The following NCKAP5 variants were observed in gnomAD, a reference collection of about 807,000 sequenced individuals.
NCKAP5 encodes nck-associated protein 5.
In NCKAP5, 92 loss-of-function variants were observed where a neutral mutation model predicts 167.0. The ratio of observed to expected loss-of-function variants is 0.55; its 90% CI spans 0.47 to 0.66. NCKAP5 has a LOEUF of 0.66. Among genes scored for constraint, NCKAP5 ranks in the 30% least tolerant of loss-of-function variants. The pLI is 0.00. For synonymous variants in NCKAP5, 891 were observed against 877.4 expected (o/e 1.02, Z -0.27); for missense variants, 2,378 against 2,315.0 (o/e 1.03, Z -0.56).
In NCKAP5 at chr2:132,963,721, T is replaced by A. The variant is rs755819900; in HGVS notation, c.578A>T (p.Glu193Val). ...KLLLERLKAL[E>V]AENSALALEN... ...TGTAAAAATTGCTTCATTTCTTACC[T>A]CTAGAGCTTTCAATCTCTCTAATAG... The change falls in exon 8 of 20, where the codon GAG (glutamate) becomes GTG (valine). Residue 193 changes from glutamate to valine, a missense_variant and splice_region_variant. Transcript: ENST00000409261. 1 of 1,613,650 alleles carries A rather than the reference T, an allele frequency of 6.2e-7. No individual in the cohort carries two copies. The highest frequency in any genetic ancestry group is 8.5e-7 in the Non-Finnish European group (1 of 1,179,814).
At position 133,531,730 on chromosome 2, in the gene NCKAP5, A is replaced by AT. The variant is rs531179995; in HGVS notation, c.-61-14144dup. ...TAGCTACCAATTACCAGATTGAGGA[A>AT]TTTTTTTATACATTCTTGAATCTCT... On this transcript the variant is annotated intron_variant, in intron 2 of 19. Transcript: ENST00000409261. 5.0e-3 allele frequency among the ~76,000 whole-genome samples: 755 copies of AT among 152,228 alleles called. 6 individuals carry two copies. The highest frequency in any genetic ancestry group is 0.017 in the African/African-American group (707 of 41,536).
chr2:132,765,308 C>CTTTTTTTTTTTTTTTTTTTTTTTTT (rs1170247644), intron 16 of NCKAP5, among the ~76,000 whole-genome samples: 2 of 114,310 alleles, frequency 1.7e-5, no homozygotes, highest in African/African-American at 6.9e-5. Context: ...TTCTTTCTTT[C>CTTTTTTTTTTTTTTTTTTTTTTTTT]TTTTTTTTTT....
chr2:132,729,439 AT>A (rs923518458), intron 17 of NCKAP5, among the ~76,000 whole-genome samples: 15 of 152,194 alleles, frequency 9.9e-5, no homozygotes, highest in African/African-American at 3.6e-4. Context: ...TATTAAGGTT[AT>A]TTTGAATAGT....
chr2:133,466,660 T>G (rs1037799915), intron 3 of NCKAP5, among the ~76,000 whole-genome samples: 3 of 152,194 alleles, frequency 2.0e-5, no homozygotes, highest in African/African-American at 7.2e-5. Context: ...TGTTCTTCCG[T>G]TTGTTTGTAT....
intron 4 of NCKAP5, among the ~76,000 whole-genome samples, chr2:133,275,628 C>A (rs186095704): frequency 1.3e-5 from 2 of 151,874 alleles, no homozygotes; most frequent in Non-Finnish European, 2.9e-5. Flanking sequence ...TGAAAACTAC[C>A]GGATGCATTT....
chr2:133,029,987 A>C (rs2078829133), intron 6 of NCKAP5, among the ~76,000 whole-genome samples: 1 of 152,180 alleles, frequency 6.6e-6, no homozygotes, highest in East Asian at 1.9e-4. Context: ...AAATCAAGAA[A>C]ATCCTCTCAG....
chr2:133,140,227 T>TGTG (rs1267823821), intron 5 of NCKAP5, among the ~76,000 whole-genome samples: 1 of 152,220 alleles, frequency 6.6e-6, no homozygotes, highest in Non-Finnish European at 1.5e-5. Flanking sequence ...TTTCCTTTTC[T>TGTG]GTGGAGACAG....
intron 4 of NCKAP5, among the ~76,000 whole-genome samples, chr2:133,282,527 A>C (rs920528212): frequency 2.0e-5 from 3 of 152,208 alleles, no homozygotes; most frequent in African/African-American, 4.8e-5. Flanking sequence ...GGATAAAAAC[A>C]CCTAAACTGA....
the NCKAP5 span, among the ~76,000 whole-genome samples, chr2:133,598,369 G>A: frequency 6.6e-6 from 1 of 152,194 alleles, no homozygotes; most frequent in Non-Finnish European, 1.5e-5. Flanking sequence ...TTCCTGTCAA[G>A]TTTAGGCCTT....
intron 19 of NCKAP5, among the ~76,000 whole-genome samples, chr2:132,685,138 G>A (rs1235705544): frequency 6.6e-6 from 1 of 152,140 alleles, no homozygotes; most frequent in African/African-American, 2.4e-5. Flanking sequence ...AATAATTCTT[G>A]AAATAATGAA....
At chr2:133,555,562 C>T (rs1186635145) in intron 2 of NCKAP5, among the ~76,000 whole-genome samples, 1 of 152,206 alleles carries the variant, frequency 6.6e-6, no homozygotes, top group African/African-American at 2.4e-5. Context: ...TCTAAATGAA[C>T]AAAAGTTCTT....
intron 13 of NCKAP5, among the ~76,000 whole-genome samples, chr2:132,787,194 A>G (rs1161556871): frequency 1.3e-5 from 2 of 152,098 alleles, no homozygotes; most frequent in Non-Finnish European, 2.9e-5. Context: ...CTAAAAATAC[A>G]AGAATTAGCT....
At chr2:132,826,405 T>C (rs1687126564) in intron 11 of NCKAP5, among the ~76,000 whole-genome samples, 1 of 152,162 alleles carries the variant, frequency 6.6e-6, no homozygotes, top group East Asian at 1.9e-4. Flanking sequence ...ACAGCACACC[T>C]GTTGTTTATG....
intron 4 of NCKAP5, among the ~76,000 whole-genome samples, chr2:133,248,984 C>A (rs1034036705): frequency 4.6e-5 from 7 of 152,128 alleles, no homozygotes; most frequent in Admixed American, 2.0e-4. Context: ...GTTTTTCTTG[C>A]TCAGCGTCTG....
chr2:132,806,320 T>G (rs1312464624), intron 11 of NCKAP5, among the ~76,000 whole-genome samples: 1 of 152,174 alleles, frequency 6.6e-6, no homozygotes, highest in African/African-American at 2.4e-5. Context: ...AAATGGTAGT[T>G]ATATTTTTAG....
At chr2:133,056,264 C>A (rs963713450) in intron 6 of NCKAP5, among the ~76,000 whole-genome samples, 4 of 152,132 alleles carry the variant, frequency 2.6e-5, no homozygotes, top group Non-Finnish European at 4.4e-5. Flanking sequence ...TATCCTCTTC[C>A]TAAATTCCAA....
the NCKAP5 span, among the ~76,000 whole-genome samples, chr2:133,617,390 A>T: frequency 2.1e-3 from 317 of 150,166 alleles, no homozygotes; most frequent in Admixed American, 3.7e-3. Context: ...ACATGATTGT[A>T]TATCTAGAAA....
chr2:133,058,895 G>A (rs532816837), intron 6 of NCKAP5, among the ~76,000 whole-genome samples: 3 of 152,146 alleles, frequency 2.0e-5, no homozygotes, highest in Non-Finnish European at 4.4e-5. Context: ...CTTCATTGAT[G>A]AATTTATTGA....
chr2:132,736,825 A>T (rs1041736671), intron 16 of NCKAP5, among the ~76,000 whole-genome samples: 1 of 151,972 alleles, frequency 6.6e-6, no homozygotes, highest in Admixed American at 6.6e-5. Flanking sequence ...AACAAAAAAA[A>T]CCCCACAAAT....
Sources: allele counts gnomAD v4.1 joint callset (sites outside exome capture counted in the v4.1 genomes callset), GRCh38; gene constraint gnomAD v4.1.1; transcripts MANE v1.5; gene names NCBI Gene and HGNC (gene_info 2026-07-23, HGNC 2026-07-21).